NKAIN2: variants seen among roughly 807,000 people sequenced by gnomAD.
NKAIN2 encodes sodium/potassium transporting ATPase interacting 2, also known as sodium/potassium-transporting ATPase subunit beta-1-interacting protein 2.
NKAIN2 carries 14 observed loss-of-function variants against 32.6 expected under a neutral mutation model. The observed-to-expected ratio is 0.43, with a 90% CI of 0.28 to 0.67. The LOEUF is 0.67. Among genes scored for constraint, NKAIN2 ranks in the 30% least tolerant of loss-of-function variants. NKAIN2 has a pLI of 0.17. For missense variants in NKAIN2, 198 were observed against 258.3 expected (o/e 0.77, Z 1.60); for synonymous variants, 80 against 87.2 (o/e 0.92, Z 0.46).
At chr6:124,685,665 G>A (rs1465473867) in intron 4 of NKAIN2, among the ~76,000 whole-genome samples, 2 of 151,882 alleles carry the variant, frequency 1.3e-5, no homozygotes, top group African/African-American at 2.4e-5. Flanking sequence ...TCCAATTCTG[G>A]TCAGAAAAGG....
At chr6:124,097,096 G>T (rs1456735255) in intron 1 of NKAIN2, among the ~76,000 whole-genome samples, 2 of 152,048 alleles carry the variant, frequency 1.3e-5, no homozygotes, top group East Asian at 3.9e-4. Flanking sequence ...GAAAACACAG[G>T]AATTTTCAGT....
chr6:123,830,904 T>C (rs143377471), intron 1 of NKAIN2, among the ~76,000 whole-genome samples: 1 of 152,332 alleles, frequency 6.6e-6, no homozygotes, highest in Non-Finnish European at 1.5e-5. Context: ...GGTTCTGTCA[T>C]CTGGGGAATG....
chr6:123,936,024 G>T (rs1776490858), intron 1 of NKAIN2, among the ~76,000 whole-genome samples: 1 of 152,158 alleles, frequency 6.6e-6, no homozygotes, highest in South Asian at 2.1e-4. Flanking sequence ...GGAAAGCCTA[G>T]TGTGACAGTG....
At chr6:124,405,426 G>A (rs979896807) in intron 3 of NKAIN2, among the ~76,000 whole-genome samples, 2 of 152,040 alleles carry the variant, frequency 1.3e-5, no homozygotes, top group Admixed American at 6.6e-5. Context: ...TAGAAATGTA[G>A]GATGGGATAT....
At chr6:123,875,211 G>A (rs1199497325) in intron 1 of NKAIN2, among the ~76,000 whole-genome samples, 1 of 151,706 alleles carries the variant, frequency 6.6e-6, no homozygotes, top group Non-Finnish European at 1.5e-5. Context: ...TTTTTTTACA[G>A]GTTTTCTCAC....
chr6:124,316,225 T>G (rs1796943393), intron 2 of NKAIN2, among the ~76,000 whole-genome samples: 1 of 152,136 alleles, frequency 6.6e-6, no homozygotes, highest in Admixed American at 6.6e-5. Flanking sequence ...CAGCTTGTTT[T>G]AAAATATCAC....
intron 3 of NKAIN2, among the ~76,000 whole-genome samples, chr6:124,640,897 T>C (rs1399385781): frequency 1.3e-5 from 2 of 152,206 alleles, no homozygotes; most frequent in South Asian, 2.1e-4. Flanking sequence ...TTTCCTTCCA[T>C]CTTTCTTCCT....
At chr6:123,910,881 A>C (rs760936114) in intron 1 of NKAIN2, among the ~76,000 whole-genome samples, 1 of 152,052 alleles carries the variant, frequency 6.6e-6, no homozygotes, top group Non-Finnish European at 1.5e-5. Flanking sequence ...AGAAAATAAC[A>C]TTTAGATTGA....
At chr6:124,446,404 G>A (rs374080092) in intron 3 of NKAIN2, among the ~76,000 whole-genome samples, 14 of 151,962 alleles carry the variant, frequency 9.2e-5, no homozygotes, top group African/African-American at 2.9e-4. Flanking sequence ...GTGCAGTGAC[G>A]TGATCTCAGC....
intron 3 of NKAIN2, among the ~76,000 whole-genome samples, chr6:124,376,949 A>G (rs1189846535): frequency 6.6e-6 from 1 of 152,154 alleles, no homozygotes; most frequent in Non-Finnish European, 1.5e-5. Context: ...GATCAACAAA[A>G]TATTCTTGAT....
chr6:123,867,836 C>CAATT (rs1379907891), intron 1 of NKAIN2, among the ~76,000 whole-genome samples: 1 of 149,724 alleles, frequency 6.7e-6, no homozygotes, highest in East Asian at 2.0e-4. Flanking sequence ...GAGCATCAGT[C>CAATT]AATTATTCAC....
intron 1 of NKAIN2, among the ~76,000 whole-genome samples, chr6:124,201,728 T>G (rs1226190664): frequency 6.6e-6 from 1 of 152,030 alleles, no homozygotes; most frequent in East Asian, 1.9e-4. Context: ...CTTTCAAACA[T>G]GTGCTGCAAA....
chr6:124,708,157 T>C (rs1480384397), intron 4 of NKAIN2, among the ~76,000 whole-genome samples: 2 of 146,348 alleles, frequency 1.4e-5, no homozygotes, highest in African/African-American at 5.2e-5. Context: ...GTTGTAGATA[T>C]GCGGCATTAT....
chr6:124,212,213 T>C (rs527818680), intron 1 of NKAIN2, among the ~76,000 whole-genome samples: 85 of 152,262 alleles, frequency 5.6e-4, no homozygotes, highest in African/African-American at 1.8e-3. Context: ...TTATTTGCAG[T>C]TTTATTTTAA....
chr6:123,824,990 A>T (rs1055612095), intron 1 of NKAIN2, among the ~76,000 whole-genome samples: 1 of 152,192 alleles, frequency 6.6e-6, no homozygotes, highest in African/African-American at 2.4e-5. Context: ...TATCAACCAC[A>T]GAAATTTATT....
At chr6:124,318,561 T>A (rs1797052642) in intron 2 of NKAIN2, among the ~76,000 whole-genome samples, 1 of 151,870 alleles carries the variant, frequency 6.6e-6, no homozygotes, top group Non-Finnish European at 1.5e-5. Flanking sequence ...TCATTTAACT[T>A]AAAAAAAATT....
At chr6:124,523,502 A>G (rs1257061113) in intron 3 of NKAIN2, among the ~76,000 whole-genome samples, 2 of 14,282 alleles carry the variant, frequency 1.4e-4, no homozygotes, top group African/African-American at 1.5e-4. Flanking sequence ...GTGAATCACA[A>G]TGGAAAGTAG....
In NKAIN2 at chr6:124,566,562, G is replaced by T. The variant is rs186194400; in HGVS notation, c.274-91624G>T. Among the ~76,000 whole-genome samples the T allele has an allele frequency of 7.9e-5, 12 of 152,136 alleles. No individual in the cohort carries two copies. In the East Asian group the frequency reaches 2.3e-3, roughly 29 times the overall value. On this transcript the variant is annotated intron_variant, in intron 3 of 6. Coordinates refer to ENST00000368417, the MANE Select transcript of NKAIN2 (RefSeq NM_001040214.3). ...TCAGCTACATTAATACAATTAATTAGCTTACACCACTGTTTACTAAAATGT... is the reference window on the plus strand; with the variant it reads ...TCAGCTACATTAATACAATTAATTATCTTACACCACTGTTTACTAAAATGT...
intron 1 of NKAIN2, among the ~76,000 whole-genome samples, chr6:124,049,830 A>T (rs963691930): frequency 5.9e-5 from 9 of 152,114 alleles, no homozygotes; most frequent in East Asian, 3.9e-4. Flanking sequence ...CTTGCACCCA[A>T]ATAAAGGTCC....
Sources: allele counts gnomAD v4.1 joint callset (sites outside exome capture counted in the v4.1 genomes callset), GRCh38; gene constraint gnomAD v4.1.1; transcripts MANE v1.5; gene names NCBI Gene and HGNC (gene_info 2026-07-23, HGNC 2026-07-21).